The following IFT88 variants were observed in gnomAD, a reference collection of about 807,000 sequenced individuals.
IFT88 encodes intraflagellar transport 88.
In IFT88, 74 loss-of-function variants were observed where a neutral mutation model predicts 119.5. That is an observed-to-expected ratio of 0.62 (90% confidence interval 0.51 to 0.75). IFT88 has a LOEUF of 0.75. IFT88 is among the 30% of genes least tolerant of loss of function. The pLI is 0.00. For synonymous variants in IFT88, 279 were observed against 316.7 expected (o/e 0.88, Z 1.26); for missense variants, 961 against 977.7 (o/e 0.98, Z 0.23).
intron 3 of IFT88, among the ~76,000 whole-genome samples, chr13:20,585,199 C>G (rs1249029114): frequency 6.6e-6 from 1 of 152,170 alleles, no homozygotes; most frequent in East Asian, 1.9e-4. Context: ...AGGACACAGT[C>G]AGTCCTCCAC....
intron 22 of IFT88, among the ~76,000 whole-genome samples, chr13:20,658,158 G>A (rs554072507): frequency 1.3e-5 from 2 of 151,222 alleles, no homozygotes; most frequent in Admixed American, 6.6e-5. Context: ...GTGCGGTGGC[G>A]CCATCTTGGC....
chr13:20,641,398 T>C lies in IFT88; in HGVS notation c.1682T>C (p.Ile561Thr), dbSNP rs1430576937. ...SAEVLYQIAN[I>T]YELMENPSQA... ...GAAGTTCTTTACCAGATAGCAAATATGTATCTTATTTGAAAACCTTAGGGA... is the reference window on the plus strand; with the variant it reads ...GAAGTTCTTTACCAGATAGCAAATACGTATCTTATTTGAAAACCTTAGGGA... The change falls in exon 18 of 26, where the codon ATA becomes ACA. Residue 561 changes from isoleucine (I) to threonine (T), a missense_variant and splice_region_variant. Transcript: ENST00000351808. The C allele has an allele frequency of 6.3e-7, 1 of 1,578,872 alleles. No individual in the cohort carries two copies. Among genetic ancestry groups the C allele is most frequent in the African/African-American group, 1.3e-5 (1 of 74,220 alleles).
chr13:20,625,105 A>ATT (rs2047106508), intron 14 of IFT88, among the ~76,000 whole-genome samples: 1 of 152,200 alleles, frequency 6.6e-6, no homozygotes, highest in Admixed American at 6.5e-5. Context: ...ATTGATTTCA[A>ATT]TAACTCAGTA....
chr13:20,672,299 C>T (rs932134819), intron 24 of IFT88, among the ~76,000 whole-genome samples: 1 of 152,298 alleles, frequency 6.6e-6, no homozygotes, highest in South Asian at 2.1e-4. Context: ...CCAGCGTCTC[C>T]AGCTAAACCT....
intron 14 of IFT88, among the ~76,000 whole-genome samples, chr13:20,624,849 G>A (rs906145665): frequency 4.6e-5 from 7 of 151,966 alleles, no homozygotes; most frequent in Admixed American, 2.6e-4. Flanking sequence ...TACACATTGT[G>A]GAATTGCTAA....
intron 5 of IFT88, 101 bp from the exon 6 acceptor site, chr13:20,591,517 A>C (rs552891465): frequency 1.3e-6 from 1 of 782,794 alleles, no homozygotes; most frequent in Admixed American, 2.9e-5. Context: ...GAAAATCAGC[A>C]TTTTTTTAAA....
intron 5 of IFT88, 72 bp from the exon 6 acceptor site, chr13:20,591,546 T>G: frequency 9.1e-7 from 1 of 1,100,274 alleles, no homozygotes; most frequent in Non-Finnish European, 1.4e-6. Flanking sequence ...TATTAAGGTG[T>G]GTGTAATGTG....
At chr13:20,614,687 A>G (rs1197726369) in intron 13 of IFT88, among the ~76,000 whole-genome samples, 2 of 152,192 alleles carry the variant, frequency 1.3e-5, no homozygotes, top group African/African-American at 4.8e-5. Flanking sequence ...GTTGGAGGAA[A>G]CTGGGTAAAG....
intron 14 of IFT88, among the ~76,000 whole-genome samples, chr13:20,622,496 T>C (rs538421706): frequency 1.3e-5 from 2 of 152,340 alleles, no homozygotes; most frequent in East Asian, 3.9e-4. Context: ...CATTTGGTAA[T>C]GTCAGTGTTT....
intron 13 of IFT88, chr13:20,607,829 T>G: frequency 1.4e-6 from 1 of 733,720 alleles, no homozygotes; most frequent in Non-Finnish European, 2.6e-6. Context: ...ACCAAGAGAA[T>G]CATGGTCATC....
chr13:20,587,574 A>T (rs2039915437), intron 3 of IFT88, among the ~76,000 whole-genome samples: 2 of 152,002 alleles, frequency 1.3e-5, no homozygotes, highest in South Asian at 4.2e-4. Flanking sequence ...TTCTATTTTT[A>T]ATGAGAAAGC....
intron 3 of IFT88, 98 bp downstream of exon 3, chr13:20,583,117 AG>A (rs74310204): frequency 1.2e-5 from 8 of 656,024 alleles, no homozygotes; most frequent in Non-Finnish European, 1.5e-5. Flanking sequence ...GTAGTGTTAA[AG>A]ATTATAACCA....
intron 23 of IFT88, among the ~76,000 whole-genome samples, chr13:20,664,193 A>C (rs1318003196): frequency 6.6e-6 from 1 of 152,216 alleles, no homozygotes; most frequent in Non-Finnish European, 1.5e-5. Context: ...GAGGAACATA[A>C]ACCAATTCAG....
At chr13:20,663,712 T>A (rs2054190434) in intron 23 of IFT88, 108 bp downstream of exon 23, 1 of 773,478 alleles carries the variant, frequency 1.3e-6, no homozygotes, top group African/African-American at 1.8e-5. Flanking sequence ...AGAGTTGAAA[T>A]TTTTTTCTGC....
At chr13:20,688,512 T>C (rs1236080475) in intron 24 of IFT88, among the ~76,000 whole-genome samples, 1 of 152,232 alleles carries the variant, frequency 6.6e-6, no homozygotes, top group East Asian at 1.9e-4. Context: ...AACACCAAGC[T>C]GAAAATTTGA....
At chr13:20,637,137 A>G (rs1594488029) in intron 16 of IFT88, among the ~76,000 whole-genome samples, 1 of 152,120 alleles carries the variant, frequency 6.6e-6, no homozygotes, top group Non-Finnish European at 1.5e-5. Context: ...GGGCTGGGGG[A>G]AGAGGAGGAT....
chr13:20,594,706 G>C (rs1354858617), intron 7 of IFT88, among the ~76,000 whole-genome samples: 3 of 152,114 alleles, frequency 2.0e-5, no homozygotes, highest in Non-Finnish European at 4.4e-5. Flanking sequence ...CTAGAAAATA[G>C]AATTCTATAC....
chr13:20,610,528 A>G (rs2044302534), intron 13 of IFT88, among the ~76,000 whole-genome samples: 1 of 152,052 alleles, frequency 6.6e-6, no homozygotes. Flanking sequence ...CATATCATTG[A>G]ACTCCGAAAT....
At chr13:20,630,968 G>A in intron 15 of IFT88, 48 bp from the exon 16 acceptor site, 2 of 1,170,282 alleles carry the variant, frequency 1.7e-6, no homozygotes, top group Non-Finnish European at 2.5e-6. Flanking sequence ...ATAAGCTTGA[G>A]TACTGTCATA....
Sources: allele counts gnomAD v4.1 joint callset (sites outside exome capture counted in the v4.1 genomes callset), GRCh38; gene constraint gnomAD v4.1.1; transcripts MANE v1.5; gene names NCBI Gene and HGNC (gene_info 2026-07-23, HGNC 2026-07-21).